The following NMT2 variants were observed in gnomAD, a reference collection of about 807,000 sequenced individuals.
NMT2 encodes glycylpeptide N-tetradecanoyltransferase 2.
Under a neutral mutation model 65.4 loss-of-function variants are expected in NMT2, and 35 were observed. The observed-to-expected ratio is 0.54, with a 90% CI of 0.41 to 0.71. The LOEUF is 0.71. Ranked by LOEUF, NMT2 falls within the 30% of genes least tolerant of loss-of-function variation. NMT2 has a pLI of 0.00. For missense variants in NMT2, 489 were observed against 611.3 expected, an observed-to-expected ratio of 0.80 and a Z score of 2.11; for synonymous variants, 226 against 231.8, an observed-to-expected ratio of 0.98 and a Z score of 0.23.
At chr10:15,168,443 G>T (rs1286999622) in intron 1 of NMT2, 60 bp downstream of exon 1, 2 of 1,299,194 alleles carry the variant, frequency 1.5e-6, no homozygotes, top group African/African-American at 1.5e-5. Flanking sequence ...CCGAACGGGA[G>T]ACCGTGGCGC....
chr10:15,119,847 A>G (rs983544394), intron 8 of NMT2, among the ~76,000 whole-genome samples: 1 of 152,218 alleles, frequency 6.6e-6, no homozygotes, highest in Non-Finnish European at 1.5e-5. Flanking sequence ...GTACAAGTTC[A>G]TGATGTACGC....
rs1845385907 is a variant in NMT2, at chr10:15,108,391, T to G, written c.*804A>C. On this transcript the variant is annotated 3_prime_UTR_variant, in exon 12 of 12. Transcript: ENST00000378165. ...TAGTAGAGATGGGGTTTCACTATGT[T>G]GGCCAGAATGGTCTCGATCTCCTGA... The G allele has an allele frequency of 1.8e-6, 1 of 562,744 alleles. No individual in the cohort carries two copies. Among genetic ancestry groups the G allele is most frequent in the East Asian group, 1.4e-4 (1 of 6,920 alleles). The allele number at this position is 562,744 out of a possible 1,614,324, so 34.9% of individuals were successfully genotyped here.
At position 15,108,246 on chromosome 10, in the gene NMT2, G is replaced by A; in HGVS notation, c.*949C>T. 4 of 929,434 alleles carry A rather than the reference G, an allele frequency of 4.3e-6. No homozygotes were observed. The highest frequency in any genetic ancestry group is 2.6e-6 in the Non-Finnish European group (2 of 781,034). 57.6% of individuals were successfully genotyped at this position (929,434 alleles called of 1,614,324 possible). A position where few individuals can be genotyped will look rare whatever the true frequency, so the allele number is the denominator to read the frequency against. Reference sequence around the variant, plus strand: ...TCTGTCACCCAGGCTGGAGTGCAGTGGCTCGATCTCGGCTCACTGCAACCT... The same window carrying A: ...TCTGTCACCCAGGCTGGAGTGCAGTAGCTCGATCTCGGCTCACTGCAACCT... On this transcript the variant is annotated 3_prime_UTR_variant, in exon 12 of 12. Transcript: ENST00000378165.
At chr10:15,155,279 G>C (rs928332296) in intron 1 of NMT2, 9 of 1,403,790 alleles carry the variant, frequency 6.4e-6, no homozygotes, top group Non-Finnish European at 9.1e-6. Flanking sequence ...CCAAGGCCTC[G>C]CTGTTGATGG....
rs1296131767 is a variant in NMT2, at chr10:15,106,880, C to T, written c.*2315G>A. On this transcript the variant is annotated 3_prime_UTR_variant, in exon 12 of 12. Transcript: ENST00000378165. ...CTTTGGGAGGCCAAGGCAGAAGGAT[C>T]ACTTGAGGCCAGGAGTTAAAGACCA... 3.3e-5 allele frequency among the ~76,000 whole-genome samples: 5 copies of T among 152,170 alleles called. No homozygotes were observed. Among genetic ancestry groups the T allele is most frequent in the African/African-American group, 1.2e-4 (5 of 41,430 alleles).
chr10:15,145,608 G>A (rs1846935729), intron 1 of NMT2, among the ~76,000 whole-genome samples: 1 of 152,162 alleles, frequency 6.6e-6, no homozygotes, highest in Non-Finnish European at 1.5e-5. Context: ...TCAAACTCCT[G>A]ACCTCAAGTG....
At position 15,108,496 on chromosome 10, in the gene NMT2, C is replaced by G. The variant is rs1277961060; in HGVS notation, c.*699G>C. 2 of 985,510 alleles carry G rather than the reference C, an allele frequency of 2.0e-6. No individual in the cohort carries two copies. Among genetic ancestry groups the G allele is most frequent in the Non-Finnish European group, 2.4e-6 (2 of 830,122 alleles). 61.0% of individuals were successfully genotyped at this position (985,510 alleles called of 1,614,324 possible). A position where few individuals can be genotyped will look rare whatever the true frequency, so the allele number is the denominator to read the frequency against. On this transcript the variant is annotated 3_prime_UTR_variant, in exon 12 of 12. Coordinates refer to ENST00000378165, the MANE Select transcript of NMT2 (RefSeq NM_004808.3). Reference sequence around the variant, plus strand: ...CACCACGCCCGGCCTCAGGCTCTTTCAGAGAGCACAGTGAGTGCTTGCACA... The same window carrying G: ...CACCACGCCCGGCCTCAGGCTCTTTGAGAGAGCACAGTGAGTGCTTGCACA...
intron 1 of NMT2, chr10:15,155,286 A>G (rs1165397318): frequency 2.9e-6 from 4 of 1,396,680 alleles, no homozygotes; most frequent in Non-Finnish European, 4.1e-6. Context: ...CTCGCTGTTG[A>G]TGGCGATGTT....
At chr10:15,133,435 T>A in intron 3 of NMT2, 72 bp from the exon 4 acceptor site, 3 of 1,211,876 alleles carry the variant, frequency 2.5e-6, no homozygotes, top group Non-Finnish European at 3.7e-6. Context: ...ATTCTAACCA[T>A]CCAAAGTGGT....
chr10:15,109,757 C>T lies in NMT2; in HGVS notation c.1421G>A (p.Gly474Asp), dbSNP rs1250453221. Residue 474 changes from glycine to aspartate, a missense_variant, in exon 11 of 12, where the codon GGC (glycine) becomes GAC (aspartate). Gly to Asp is a moderately conservative substitution (Grantham distance 94). Transcript: ENST00000378165. ...ATTGTACAGGTAATACTGCAAATTGCCATCTCCTATACCAAACTTGAGTTT... is the reference window on the plus strand; with the variant it reads ...ATTGTACAGGTAATACTGCAAATTGTCATCTCCTATACCAAACTTGAGTTT... ...LEKLKFGIGD[G>D]NLQYYLYNWR... 4 of 1,613,602 alleles carry T rather than the reference C, an allele frequency of 2.5e-6. No individual in the cohort carries two copies. The highest frequency in any genetic ancestry group is 2.5e-6 in the Non-Finnish European group (3 of 1,179,774).
intron 1 of NMT2, among the ~76,000 whole-genome samples, chr10:15,164,521 T>C (rs565814899): frequency 2.9e-4 from 44 of 152,324 alleles, no homozygotes; most frequent in African/African-American, 9.6e-4. Flanking sequence ...TAAGAGATCA[T>C]GACCAATACC....
intron 1 of NMT2, among the ~76,000 whole-genome samples, chr10:15,159,183 C>G (rs1833103323): frequency 6.6e-6 from 1 of 152,098 alleles, no homozygotes; most frequent in Non-Finnish European, 1.5e-5. Context: ...CTTTCTTGGC[C>G]AGAAACCAGT....
rs562228897 is a variant in NMT2 at position 15,131,068 on chromosome 10, G to T, written c.720-756C>A. 5.9e-5 allele frequency among the ~76,000 whole-genome samples: 9 copies of T among 152,050 alleles called. No individual in the cohort carries two copies. The East Asian group carries it at 1.5e-3, about 26-fold the overall frequency. ...CTCCCAAAGTGCTGGGATTATAGGCGTGAACCACCCACCGCACCTGGCCTG... is the reference window on the plus strand; with the variant it reads ...CTCCCAAAGTGCTGGGATTATAGGCTTGAACCACCCACCGCACCTGGCCTG... On this transcript the variant is annotated intron_variant, in intron 6 of 11. Coordinates refer to ENST00000378165, the MANE Select transcript of NMT2 (RefSeq NM_004808.3).
In NMT2 at chr10:15,107,772, G is replaced by A; in HGVS notation, c.*1423C>T. ...ACCCAGCCAAGGCATCTACTTTGTG[G>A]TATCTGAGTTGAGGCCAGGCTACGT... On this transcript the variant is annotated 3_prime_UTR_variant, in exon 12 of 12. Coordinates refer to ENST00000378165, the MANE Select transcript of NMT2 (RefSeq NM_004808.3). 2.0e-6 allele frequency: 2 copies of A among 978,484 alleles called. No homozygotes were observed. Among genetic ancestry groups the A allele is most frequent in the South Asian group, 9.4e-5 (2 of 21,280 alleles). 60.6% of individuals were successfully genotyped at this position (978,484 alleles called of 1,614,324 possible).
intron 10 of NMT2, chr10:15,111,828 A>C (rs1845529648): frequency 6.6e-6 from 1 of 151,552 alleles, no homozygotes; most frequent in Admixed American, 6.6e-5. Flanking sequence ...TAATTAATTA[A>C]TTTGAGACAG....
chr10:15,108,636 A>G lies in NMT2; in HGVS notation c.*559T>C, dbSNP rs1349729595. ...AAATACATGTACTAGTCACCAGTAC[A>G]TTTTAATATTGCTCTGCACTTAAAC... On this transcript the variant is annotated 3_prime_UTR_variant, in exon 12 of 12. Transcript: ENST00000378165. 1.0e-5 allele frequency: 10 copies of G among 987,852 alleles called. No homozygotes were observed. The East Asian group carries it at 1.0e-3, about 100-fold the overall frequency. 61.2% of individuals were successfully genotyped at this position (987,852 alleles called of 1,614,324 possible).
At chr10:15,111,784 C>T (rs1589287739) in intron 10 of NMT2, 1 of 151,600 alleles carries the variant, frequency 6.6e-6, no homozygotes, top group Admixed American at 6.6e-5. Flanking sequence ...TCCAAAGGCA[C>T]AGGTAAGAGA....
intron 10 of NMT2, among the ~76,000 whole-genome samples, chr10:15,111,181 A>C (rs1436472342): frequency 6.6e-6 from 1 of 152,152 alleles, no homozygotes; most frequent in Admixed American, 6.5e-5. Flanking sequence ...ACCTTGGCTG[A>C]AGCTATTGCC....
intron 1 of NMT2, among the ~76,000 whole-genome samples, chr10:15,151,980 C>T (rs185511454): frequency 3.3e-4 from 50 of 152,310 alleles, no homozygotes; most frequent in Non-Finnish European, 6.3e-4. Context: ...GAGCCAAGAT[C>T]GTGCCACTGC....
Sources: allele counts gnomAD v4.1 joint callset (sites outside exome capture counted in the v4.1 genomes callset), GRCh38; gene constraint gnomAD v4.1.1; transcripts MANE v1.5; gene names NCBI Gene and HGNC (gene_info 2026-07-23, HGNC 2026-07-21).